EPM2A: variants seen among roughly 807,000 people sequenced by gnomAD.
EPM2A encodes laforin.
Under a neutral mutation model 26.5 loss-of-function variants are expected in EPM2A, and 21 were observed. That is an observed-to-expected ratio of 0.79 (90% CI 0.56 to 1.14). The LOEUF is 1.14. EPM2A is among the 50% of genes most tolerant of loss of function. The pLI is 0.00. For missense variants in EPM2A, 458 were observed against 440.8 expected (o/e 1.04, Z -0.35); for synonymous variants, 217 against 177.6 (o/e 1.22, Z -1.76).
rs189795721 is a variant in EPM2A at position 145,693,076 on chromosome 6, T to C, written c.302-6780A>G. On this transcript the variant is annotated intron_variant, in intron 1 of 3. Transcript: ENST00000367519. ...AATATTTTTCTATGTGTTTGTGTCA[T>C]CCCTGACTCCTTTGATCAGTATTTT... Among the ~76,000 whole-genome samples the C allele has an allele frequency of 1.7e-3, 262 of 152,190 alleles. 2 individuals carry two copies. Among genetic ancestry groups the C allele is most frequent in the African/African-American group, 6.2e-3 (257 of 41,562 alleles).
At chr6:145,624,808 T>C (rs1775712307), downstream of EPM2A, among the ~76,000 whole-genome samples, 1 of 152,176 alleles carries the variant, frequency 6.6e-6, no homozygotes, top group East Asian at 1.9e-4. Flanking sequence ...TTTTCATCAT[T>C]ATTTCTTACA....
chr6:145,610,863 G>A (rs115766390), intron 2 of EPM2A, among the ~76,000 whole-genome samples: 3,420 of 152,292 alleles, frequency 0.022, 46 homozygotes, highest in Admixed American at 0.031. Flanking sequence ...CCTTTTGTGT[G>A]TAAGGAATCA....
chr6:145,695,298 C>A (rs1375196544), intron 1 of EPM2A, among the ~76,000 whole-genome samples: 1 of 151,766 alleles, frequency 6.6e-6, no homozygotes, highest in Non-Finnish European at 1.5e-5. Flanking sequence ...TATTATACTT[C>A]CACAAAATAT....
At chr6:145,454,357 A>C (rs1315590395) in intron 4 of EPM2A, among the ~76,000 whole-genome samples, 1 of 152,232 alleles carries the variant, frequency 6.6e-6, no homozygotes, top group East Asian at 1.9e-4. Flanking sequence ...CCAGGAAACC[A>C]GATCAGCAAG....
rs188933166 is a variant in EPM2A at position 145,512,825 on chromosome 6, C to T, written c.341-10250G>A. Among the ~76,000 whole-genome samples, 96 of 150,828 alleles carry T rather than the reference C, an allele frequency of 6.4e-4. No homozygotes were observed. In the Middle Eastern group the frequency reaches 0.014, roughly 22 times the overall value. ...AAATAAACAATGGGGAAAGAACTCT[C>T]TATTCAATAAATGGTGCTGGGAATA... On this transcript the variant is annotated intron_variant, in intron 2 of 3. Coordinates refer to the EPM2A transcript ENST00000450221.
At chr6:145,509,225 A>C (rs1780019960) in intron 2 of EPM2A, among the ~76,000 whole-genome samples, 1 of 152,182 alleles carries the variant, frequency 6.6e-6, no homozygotes, top group East Asian at 1.9e-4. Flanking sequence ...ATGCAGATAC[A>C]AGAAATCCAG....
At chr6:145,690,512 G>A (rs1456751304) in intron 1 of EPM2A, among the ~76,000 whole-genome samples, 4 of 92,676 alleles carry the variant, frequency 4.3e-5, no homozygotes, top group African/African-American at 1.3e-4. Flanking sequence ...GCGAGACTCC[G>A]TCTCAAAAGA....
chr6:145,556,970 A>C (rs1035438099), intron 2 of EPM2A, among the ~76,000 whole-genome samples: 3 of 152,124 alleles, frequency 2.0e-5, no homozygotes, highest in Non-Finnish European at 4.4e-5. Context: ...TTCAGCTCAT[A>C]ACAATTCATG....
intron 4 of EPM2A, among the ~76,000 whole-genome samples, chr6:145,408,405 C>G (rs1778598875): frequency 6.6e-6 from 1 of 152,170 alleles, no homozygotes; most frequent in African/African-American, 2.4e-5. Flanking sequence ...TTGATTTTCT[C>G]TGGCCCCTCT....
At chr6:145,651,105 T>C (rs1228221444) in intron 2 of EPM2A, among the ~76,000 whole-genome samples, 4 of 152,156 alleles carry the variant, frequency 2.6e-5, no homozygotes, top group Non-Finnish European at 4.4e-5. Context: ...AATTGAAGAA[T>C]AGACAAAAAT....
chr6:145,601,161 G>A (rs1342004421), intron 2 of EPM2A, among the ~76,000 whole-genome samples: 1 of 152,144 alleles, frequency 6.6e-6, no homozygotes, highest in Non-Finnish European at 1.5e-5. Flanking sequence ...GATTTTTCCT[G>A]TTGATATGGC....
chr6:145,705,901 A>T (rs1019303069), intron 1 of EPM2A: 1 of 456,738 alleles, frequency 2.2e-6, no homozygotes, highest in Admixed American at 2.4e-5. Flanking sequence ...TTTCCAAGAT[A>T]TACCAAGGAA....
intron 1 of EPM2A, among the ~76,000 whole-genome samples, chr6:145,718,163 C>G (rs1775744686): frequency 6.6e-6 from 1 of 152,012 alleles, no homozygotes; most frequent in African/African-American, 2.4e-5. Flanking sequence ...ATTGCCAAGT[C>G]AATCCTAAGC....
intron 4 of EPM2A, among the ~76,000 whole-genome samples, chr6:145,419,421 G>A (rs1778753648): frequency 6.6e-6 from 1 of 152,090 alleles, no homozygotes; most frequent in Non-Finnish European, 1.5e-5. Context: ...TTAAAGCACA[G>A]GCAGATGGAA....
At chr6:145,509,184 A>T (rs1780019291) in intron 2 of EPM2A, among the ~76,000 whole-genome samples, 1 of 152,200 alleles carries the variant, frequency 6.6e-6, no homozygotes, top group Non-Finnish European at 1.5e-5. Flanking sequence ...TAATTCAGGA[A>T]AATGTCTCTA....
At chr6:145,623,845 A>G (rs1452849732), downstream of EPM2A, among the ~76,000 whole-genome samples, 1 of 152,164 alleles carries the variant, frequency 6.6e-6, no homozygotes, top group Non-Finnish European at 1.5e-5. Flanking sequence ...GATGCTATAG[A>G]TGCTTTAACA....
chr6:145,661,190 T>C (rs1053067233), intron 2 of EPM2A, among the ~76,000 whole-genome samples: 1 of 152,198 alleles, frequency 6.6e-6, no homozygotes, highest in African/African-American at 2.4e-5. Context: ...GGCACATTCC[T>C]ATGTAAAGTT....
intron 2 of EPM2A, among the ~76,000 whole-genome samples, chr6:145,503,288 A>G (rs940513749): frequency 1.3e-5 from 2 of 151,188 alleles, no homozygotes; most frequent in African/African-American, 4.9e-5. Context: ...AATTAGGAAA[A>G]GAGGAAGTCA....
chr6:145,618,661 T>C lies in EPM2A; in HGVS notation c.340+16584A>G, dbSNP rs530055023. On this transcript the variant is annotated intron_variant, in intron 2 of 3. Coordinates refer to the EPM2A transcript ENST00000450221. ...GTGTTTGCTTCTCCTTCTGCGATGA[T>C]CATAAGTTTCCTTAGGCCTCCCAGG... Among the ~76,000 whole-genome samples, 27 of 152,328 alleles carry C rather than the reference T, an allele frequency of 1.8e-4. No homozygotes were observed. The East Asian group carries it at 4.8e-3, about 27-fold the overall frequency.
Sources: allele counts gnomAD v4.1 joint callset (sites outside exome capture counted in the v4.1 genomes callset), GRCh38; gene constraint gnomAD v4.1.1; transcripts MANE v1.5; gene names NCBI Gene and HGNC (gene_info 2026-07-23, HGNC 2026-07-21).